Variants in PLCG2 observed in about 807,000 individuals in gnomAD.
PLCG2 encodes the protein 1-phosphatidylinositol 4,5-bisphosphate phosphodiesterase gamma-2.
PLCG2 carries 69 observed loss-of-function variants against 175.6 expected under a neutral mutation model. The observed-to-expected ratio is 0.39, with a 90% CI of 0.32 to 0.48. The LOEUF (loss-of-function observed/expected upper bound fraction) is 0.48, where lower values mean the gene tolerates loss of function less well. PLCG2 is among the 20% of genes least tolerant of loss of function. The probability of loss-of-function intolerance (pLI) is 0.91; values close to 1 mark genes in which losing one functional copy is unlikely to be tolerated. For synonymous variants in PLCG2, 827 were observed against 624.0 expected (o/e 1.33, Z -4.85); for missense variants, 1,798 against 1,650.9 (o/e 1.09, Z -1.54).
At chr16:81,916,092 A>T (rs7193086) in intron 19 of PLCG2, among the ~76,000 whole-genome samples, 92,590 of 152,000 alleles carry the variant, frequency 0.61, 28,612 homozygotes, top group East Asian at 0.78. Context: ...ACAAATGGGA[A>T]CATTCTGCAG....
intron 31 of PLCG2, among the ~76,000 whole-genome samples, chr16:81,948,996 T>C (rs1351551843): frequency 6.6e-6 from 1 of 152,194 alleles, no homozygotes; most frequent in Non-Finnish European, 1.5e-5. Flanking sequence ...TGGAGAAAGC[T>C]TTCTGGAATT....
At chr16:81,866,800 C>T (rs996280470) in intron 5 of PLCG2, among the ~76,000 whole-genome samples, 2 of 152,248 alleles carry the variant, frequency 1.3e-5, no homozygotes, top group African/African-American at 4.8e-5. Flanking sequence ...GCTCCTCTCC[C>T]CACGACCCCT....
At chr16:81,877,151 C>T (rs748460258) in intron 7 of PLCG2, among the ~76,000 whole-genome samples, 2 of 152,170 alleles carry the variant, frequency 1.3e-5, no homozygotes, top group Admixed American at 6.5e-5. Context: ...TACTGCAACT[C>T]GTGGCTTAAA....
At chr16:81,850,913 T>G (rs911462831) in intron 2 of PLCG2, among the ~76,000 whole-genome samples, 2 of 152,184 alleles carry the variant, frequency 1.3e-5, no homozygotes, top group Admixed American at 1.3e-4. Context: ...TGGGGCCCGC[T>G]TATTTTTGTT....
chr16:81,756,604 G>A (rs534433231), intron 2 of PLCG2, among the ~76,000 whole-genome samples: 1 of 152,222 alleles, frequency 6.6e-6, no homozygotes, highest in South Asian at 2.1e-4. Flanking sequence ...AGAGGTGGTG[G>A]GGGAAAGAAG....
chr16:81,833,729 C>G (rs909385648), intron 2 of PLCG2, among the ~76,000 whole-genome samples: 1 of 151,830 alleles, frequency 6.6e-6, no homozygotes, highest in African/African-American at 2.4e-5. Flanking sequence ...GAGGTGGGAA[C>G]TTACAGCCAA....
At chr16:81,947,734 G>C (rs917166527) in intron 31 of PLCG2, among the ~76,000 whole-genome samples, 2 of 152,090 alleles carry the variant, frequency 1.3e-5, no homozygotes, top group African/African-American at 4.8e-5. Flanking sequence ...TTATCAAGTC[G>C]CAGTCCTTTA....
rs200824224 is a variant in PLCG2 at position 81,893,771 on chromosome 16, G to A, written c.1049G>A (p.Arg350His). 93 of 1,611,744 alleles carry A rather than the reference G, an allele frequency of 5.8e-5. No homozygotes were observed. The African/African-American group carries it at 1.0e-3, about 18-fold the overall frequency. Residue 350 changes from arginine to histidine, a missense_variant, in exon 12 of 33, where the codon CGC becomes CAC. By Grantham distance (29) the Arg-to-His change is conservative (BLOSUM62 0). Transcript: ENST00000564138. ...SSPEAYIRCL[R>H]MGCRCIELDC... ...CCAGAAGCTTACATCCGCTGCCTGC[G>A]CATGGGCTGTCGCTGCATTGAACGT...
At chr16:81,823,106 T>C (rs527745334) in intron 2 of PLCG2, among the ~76,000 whole-genome samples, 1 of 152,382 alleles carries the variant, frequency 6.6e-6, no homozygotes, top group Non-Finnish European at 1.5e-5. Flanking sequence ...GAGGCCTATG[T>C]TGGCTGTGGT....
intron 2 of PLCG2, among the ~76,000 whole-genome samples, chr16:81,786,922 C>T (rs182059362): frequency 1.6e-4 from 24 of 152,338 alleles, no homozygotes; most frequent in African/African-American, 4.3e-4. Flanking sequence ...CTGAGGCAAG[C>T]TCATTACCAG....
intron 2 of PLCG2, among the ~76,000 whole-genome samples, chr16:81,761,083 A>G (rs1300269316): frequency 6.6e-6 from 1 of 152,114 alleles, no homozygotes; most frequent in Non-Finnish European, 1.5e-5. Flanking sequence ...TTTTTGTAGT[A>G]ACAAGGTTTC....
At chr16:81,807,679 G>C (rs1345919570) in intron 2 of PLCG2, among the ~76,000 whole-genome samples, 7 of 152,184 alleles carry the variant, frequency 4.6e-5, no homozygotes, top group Non-Finnish European at 8.8e-5. Flanking sequence ...GTATTAGTCT[G>C]TTCTCACGGC....
intron 2 of PLCG2, among the ~76,000 whole-genome samples, chr16:81,808,579 C>T (rs908313627): frequency 4.6e-5 from 7 of 152,064 alleles, no homozygotes; most frequent in Non-Finnish European, 8.8e-5. Flanking sequence ...CTACAACCTC[C>T]GCCTCCCAGA....
At chr16:81,865,261 A>T (rs1025986506) in intron 5 of PLCG2, among the ~76,000 whole-genome samples, 1 of 152,156 alleles carries the variant, frequency 6.6e-6, no homozygotes, top group South Asian at 2.1e-4. Flanking sequence ...GGCAGGTTGC[A>T]GAGAGGGGTG....
At chr16:81,774,223 G>A (rs898037725) in intron 2 of PLCG2, among the ~76,000 whole-genome samples, 42 of 131,720 alleles carry the variant, frequency 3.2e-4, no homozygotes, top group East Asian at 2.2e-3. Context: ...GGTGATGCAC[G>A]CCTGTAGTCC....
chr16:81,809,441 A>G (rs1904299169), intron 2 of PLCG2, among the ~76,000 whole-genome samples: 1 of 152,174 alleles, frequency 6.6e-6, no homozygotes, highest in East Asian at 1.9e-4. Context: ...ACTCACAGGA[A>G]TAATAAGCTT....
At chr16:81,918,806 C>A (rs372810644) in intron 19 of PLCG2, among the ~76,000 whole-genome samples, 10 of 152,042 alleles carry the variant, frequency 6.6e-5, no homozygotes, top group East Asian at 5.8e-4. Flanking sequence ...TTCTGTCTTG[C>A]TGATAAAAGC....
At position 81,919,637 on chromosome 16, in the gene PLCG2, C is replaced by T; in HGVS notation, c.2208C>T (p.Thr736=). The change falls in exon 20 of 33, where the codon ACC becomes ACT. Residue 736 remains threonine (T), a synonymous_variant. Coordinates refer to ENST00000564138, the MANE Select transcript of PLCG2 (RefSeq NM_002661.5). ...YRKMRLRYPV[T]PELLERYNME... ...AGATGAGACTGCGCTACCCCGTGAC[C>T]CCCGAGCTCCTGGAGCGCTACAATA... The T allele has an allele frequency of 6.2e-7, 1 of 1,613,980 alleles. No individual in the cohort carries two copies. Among genetic ancestry groups the T allele is most frequent in the African/African-American group, 1.3e-5 (1 of 75,016 alleles).
intron 2 of PLCG2, among the ~76,000 whole-genome samples, chr16:81,821,352 G>GA (rs1243955433): frequency 6.6e-6 from 1 of 152,246 alleles, no homozygotes; most frequent in African/African-American, 2.4e-5. Context: ...GCATAGTGGT[G>GA]AATACTGGAG....
Sources: allele counts gnomAD v4.1 joint callset (sites outside exome capture counted in the v4.1 genomes callset), GRCh38; gene constraint gnomAD v4.1.1; transcripts MANE v1.5; gene names NCBI Gene and HGNC (gene_info 2026-07-23, HGNC 2026-07-21).